Variants in MITF observed in about 807,000 individuals in gnomAD.
The protein encoded by MITF is melanocyte inducing transcription factor.
Under a neutral mutation model 60.5 loss-of-function variants are expected in MITF, and 17 were observed. The ratio of observed to expected loss-of-function variants is 0.28; its 90% CI spans 0.19 to 0.42. The LOEUF (loss-of-function observed/expected upper bound fraction) is 0.42. Among genes scored for constraint, MITF ranks in the 10% least tolerant of loss-of-function variants. The pLI is 1.00. For missense variants in MITF, 622 were observed against 683.5 expected (o/e 0.91, Z 1.00); for synonymous variants, 260 against 248.5 (o/e 1.05, Z -0.43).
At chr3:69,941,114 T>A in intron 4 of MITF, 122 bp from the exon 5 acceptor site, 1 of 659,462 alleles carries the variant, frequency 1.5e-6, no homozygotes. Flanking sequence ...GGACAGTTAC[T>A]TCTTAGAATC....
intron 1 of MITF, among the ~76,000 whole-genome samples, chr3:69,808,619 G>A (rs1474326520): frequency 6.6e-6 from 1 of 152,218 alleles, no homozygotes; most frequent in East Asian, 1.9e-4. Context: ...GGAGAAGGGA[G>A]TACGGTGTGA....
chr3:69,967,394 T>C lies in MITF; in HGVS notation c.*2146T>C. On this transcript the variant is annotated 3_prime_UTR_variant, in exon 10 of 10. Transcript: ENST00000352241. ...AGCATTGTCTATTTTTCTCTTCATA[T>C]TTATATGGGGGGGAGGGCGCTGGAT... 1 of 232,446 alleles carries C rather than the reference T, an allele frequency of 4.3e-6. No individual in the cohort carries two copies. The highest frequency in any genetic ancestry group is 8.5e-6 in the Non-Finnish European group (1 of 117,258). The allele number at this position is 232,446 out of a possible 1,614,324, so 14.4% of individuals were successfully genotyped here.
chr3:69,804,326 T>A (rs1221535375), intron 1 of MITF, among the ~76,000 whole-genome samples: 1 of 146,972 alleles, frequency 6.8e-6, no homozygotes, highest in Non-Finnish European at 1.5e-5. Flanking sequence ...CCTACCCCCT[T>A]TCCCCTTTAC....
chr3:69,766,256 C>G (rs577305535), intron 1 of MITF, among the ~76,000 whole-genome samples: 4 of 151,124 alleles, frequency 2.6e-5, no homozygotes, highest in African/African-American at 9.7e-5. Flanking sequence ...GATGGAGTCT[C>G]TTTCACCCAG....
At chr3:69,954,330 A>T (rs2066343785) in intron 7 of MITF, among the ~76,000 whole-genome samples, 1 of 152,218 alleles carries the variant, frequency 6.6e-6, no homozygotes, top group South Asian at 2.1e-4. Flanking sequence ...TAACAAATAG[A>T]TCAATGGGAT....
At chr3:69,873,556 A>G (rs1349180431) in intron 1 of MITF, among the ~76,000 whole-genome samples, 1 of 152,196 alleles carries the variant, frequency 6.6e-6, no homozygotes, top group Non-Finnish European at 1.5e-5. Flanking sequence ...GTTTCTGGAT[A>G]GATGTTTTTG....
chr3:69,763,991 G>A (rs773841427), intron 1 of MITF: 7 of 1,279,718 alleles, frequency 5.5e-6, no homozygotes, highest in African/African-American at 1.6e-5. Context: ...TTCTTATATA[G>A]CATGTTTTTT....
chr3:69,923,810 G>A (rs538036839), intron 2 of MITF, among the ~76,000 whole-genome samples: 1 of 152,150 alleles, frequency 6.6e-6, no homozygotes, highest in South Asian at 2.1e-4. Context: ...ATATTGGCCT[G>A]GTATAGGTGT....
chr3:69,833,809 G>T (rs1452901350), intron 1 of MITF, among the ~76,000 whole-genome samples: 1 of 152,160 alleles, frequency 6.6e-6, no homozygotes, highest in Non-Finnish European at 1.5e-5. Context: ...ACTGTATATG[G>T]TTGCTTCCCT....
intron 1 of MITF, among the ~76,000 whole-genome samples, chr3:69,740,800 C>T (rs538476537): frequency 1.3e-5 from 2 of 152,286 alleles, no homozygotes; most frequent in African/African-American, 4.8e-5. Context: ...CCTGCCTTGC[C>T]CTTCGCTGTG....
intron 6 of MITF, 131 bp from the exon 7 acceptor site, chr3:69,951,681 A>T: frequency 2.9e-6 from 2 of 701,048 alleles, no homozygotes; most frequent in Non-Finnish European, 5.1e-6. Context: ...ATCATTTTTA[A>T]AAAAACGTAT....
In MITF at chr3:69,966,453, C is replaced by T. The variant is rs2066692498; in HGVS notation, c.*1205C>T. 1 of 232,598 alleles carries T rather than the reference C, an allele frequency of 4.3e-6. No homozygotes were observed. Among genetic ancestry groups the T allele is most frequent in the South Asian group, 1.8e-4 (1 of 5,526 alleles). 14.4% of individuals were successfully genotyped at this position (232,598 alleles called of 1,614,324 possible). On this transcript the variant is annotated 3_prime_UTR_variant, in exon 10 of 10. Transcript: ENST00000352241. ...AGGCTTTCTAGAAAGAATAAACTTA[C>T]ATATTTATTTTTAGGACATGAAAAT...
intron 6 of MITF, among the ~76,000 whole-genome samples, chr3:69,951,377 G>A (rs1576035066): frequency 6.6e-6 from 1 of 151,956 alleles, no homozygotes; most frequent in Non-Finnish European, 1.5e-5. Flanking sequence ...ACCATGCTGG[G>A]CCACTACTCA....
chr3:69,841,799 G>C (rs1172820438), intron 1 of MITF, among the ~76,000 whole-genome samples: 4 of 152,158 alleles, frequency 2.6e-5, no homozygotes. Flanking sequence ...AAAATAAGTA[G>C]GTCAAGTGAA....
chr3:69,871,013 C>T (rs1218467744), intron 1 of MITF, among the ~76,000 whole-genome samples: 1 of 152,078 alleles, frequency 6.6e-6, no homozygotes, highest in African/African-American at 2.4e-5. Flanking sequence ...GTTTGATTGG[C>T]CCTCGTGAAG....
intron 2 of MITF, among the ~76,000 whole-genome samples, chr3:69,881,463 C>T (rs1021578505): frequency 2.6e-5 from 4 of 151,760 alleles, no homozygotes; most frequent in South Asian, 2.1e-4. Flanking sequence ...TAAGAATACA[C>T]GATTTTATTA....
intron 2 of MITF, among the ~76,000 whole-genome samples, chr3:69,904,495 A>G (rs764498269): frequency 1.3e-5 from 2 of 152,088 alleles, no homozygotes; most frequent in Non-Finnish European, 2.9e-5. Context: ...TGCCCACCCA[A>G]TAAGACCCAC....
Position 69,967,800 on chromosome 3 carries a change from A to C in MITF, c.*2552A>C, listed in dbSNP as rs146395033. On this transcript the variant is annotated 3_prime_UTR_variant, in exon 10 of 10. Transcript: ENST00000352241. Reference sequence around the variant, plus strand: ...GCAGTGGTTTGGGCTTGTTGTTTGTAACAAGAAAATGATCCACACCACTCC... The same window carrying C: ...GCAGTGGTTTGGGCTTGTTGTTTGTCACAAGAAAATGATCCACACCACTCC... The C allele has an allele frequency of 8.6e-6, 2 of 232,916 alleles. No individual in the cohort carries two copies. The highest frequency in any genetic ancestry group is 1.2e-3 in the Middle Eastern group (1 of 808). The allele number at this position is 232,916 out of a possible 1,614,324, so 14.4% of individuals were successfully genotyped here.
At chr3:69,916,507 A>G (rs1300696897) in intron 2 of MITF, among the ~76,000 whole-genome samples, 1 of 152,182 alleles carries the variant, frequency 6.6e-6, no homozygotes, top group Non-Finnish European at 1.5e-5. Flanking sequence ...GTGAAATTTT[A>G]CAAGTTCGGA....
Sources: allele counts gnomAD v4.1 joint callset (sites outside exome capture counted in the v4.1 genomes callset), GRCh38; gene constraint gnomAD v4.1.1; transcripts MANE v1.5; gene names NCBI Gene and HGNC (gene_info 2026-07-23, HGNC 2026-07-21).